Variants in SND1 observed in about 807,000 individuals in gnomAD.
The protein encoded by SND1 is staphylococcal nuclease domain-containing protein 1.
A neutral mutation model predicts 121.7 loss-of-function variants in SND1; 38 were observed. That is an observed-to-expected ratio of 0.31 (90% CI 0.24 to 0.41). SND1 has a LOEUF of 0.41. Ranked by LOEUF, SND1 falls within the 10% of genes least tolerant of loss-of-function variation. The probability of loss-of-function intolerance (pLI) is 1.00; values close to 1 mark genes in which losing one functional copy is unlikely to be tolerated. For synonymous variants in SND1, 401 were observed against 447.4 expected (o/e 0.90, Z 1.31); for missense variants, 868 against 1,184.6 (o/e 0.73, Z 3.92).
intron 1 of SND1, among the ~76,000 whole-genome samples, chr7:127,673,161 T>G (rs1795554820): frequency 6.8e-6 from 1 of 146,858 alleles, no homozygotes; most frequent in Non-Finnish European, 1.5e-5. Flanking sequence ...ATATATAATA[T>G]ATATCATATA....
chr7:127,861,830 T>C (rs1799386484), intron 12 of SND1, among the ~76,000 whole-genome samples: 1 of 152,180 alleles, frequency 6.6e-6, no homozygotes, highest in Non-Finnish European at 1.5e-5. Context: ...TAAGTAGAAG[T>C]CTGGAGGCCG....
At chr7:127,836,034 T>G (rs1307898517) in intron 11 of SND1, among the ~76,000 whole-genome samples, 1 of 152,166 alleles carries the variant, frequency 6.6e-6, no homozygotes, top group Non-Finnish European at 1.5e-5. Flanking sequence ...TAATTAAATA[T>G]TTACCGAAGT....
intron 1 of SND1, among the ~76,000 whole-genome samples, chr7:127,685,236 T>C (rs1213497726): frequency 6.6e-6 from 1 of 152,182 alleles, no homozygotes; most frequent in Non-Finnish European, 1.5e-5. Flanking sequence ...GGTAGAGAGG[T>C]GGAGAGCAAT....
Position 128,015,844 on chromosome 7 carries a change from ATCCAC to A in SND1, c.1779+24791_1779+24795del, listed in dbSNP as rs1389308501. Among the ~76,000 whole-genome samples the A allele has an allele frequency of 6.6e-6, 1 of 152,190 alleles. No individual in the cohort carries two copies. Among genetic ancestry groups the A allele is most frequent in the Non-Finnish European group, 1.5e-5 (1 of 68,032 alleles). ...GGCTCTGCCGGAGCCAGACATAGCC[ATCCAC>A]TCTGGCAGCAGCCTATCGAAGGGAG... On this transcript the variant is annotated intron_variant, in intron 16 of 23. Coordinates refer to ENST00000354725, the MANE Select transcript of SND1 (RefSeq NM_014390.4). This position sits in a 1 kb window ranked among gnomAD's most constrained non-coding sequence, Gnocchi z 4.5.
chr7:127,798,036 C>G (rs1798057639), intron 10 of SND1, among the ~76,000 whole-genome samples: 2 of 152,132 alleles, frequency 1.3e-5, no homozygotes, highest in African/African-American at 4.8e-5. Context: ...TAGAAGAACA[C>G]TCTTTAGACG....
intron 11 of SND1, among the ~76,000 whole-genome samples, chr7:127,829,865 G>A (rs1798708249): frequency 6.6e-6 from 1 of 152,128 alleles, no homozygotes; most frequent in African/African-American, 2.4e-5. Flanking sequence ...ATGGTTTCCA[G>A]GGGCTAGAGG....
chr7:127,860,706 C>T (rs78185689), intron 12 of SND1, among the ~76,000 whole-genome samples: 1,772 of 152,294 alleles, frequency 0.012, 28 homozygotes, highest in African/African-American at 0.041. Context: ...AGAAGGAATC[C>T]TTAGGCAGTA....
chr7:127,810,957 G>T (rs1426141740), intron 11 of SND1, among the ~76,000 whole-genome samples: 1 of 152,332 alleles, frequency 6.6e-6, no homozygotes, highest in East Asian at 1.9e-4. Context: ...AGATGGAATT[G>T]TAAGAAGCCA....
chr7:128,068,757 T>A (rs1472645985), intron 16 of SND1, among the ~76,000 whole-genome samples: 1 of 152,186 alleles, frequency 6.6e-6, no homozygotes, highest in Non-Finnish European at 1.5e-5. Context: ...AGACCACAGC[T>A]CGGCTGGGTG....
At chr7:127,886,201 G>T (rs536863527) in intron 12 of SND1, among the ~76,000 whole-genome samples, 1 of 151,932 alleles carries the variant, frequency 6.6e-6, no homozygotes, top group African/African-American at 2.4e-5. Flanking sequence ...TATTAATACC[G>T]TGCTGGCAGT....
At chr7:127,924,324 G>A (rs1800788366) in intron 14 of SND1, among the ~76,000 whole-genome samples, 1 of 152,188 alleles carries the variant, frequency 6.6e-6, no homozygotes, top group Admixed American at 6.5e-5. Context: ...GTGATGATGA[G>A]AACTAATTCG....
At chr7:127,787,417 TG>T (rs1369525429) in intron 10 of SND1, among the ~76,000 whole-genome samples, 1 of 152,146 alleles carries the variant, frequency 6.6e-6, no homozygotes, top group African/African-American at 2.4e-5. Flanking sequence ...AAATTTTCAT[TG>T]TAAAGTCAAG....
chr7:127,727,889 T>C (rs978955833), intron 10 of SND1, among the ~76,000 whole-genome samples: 3 of 152,134 alleles, frequency 2.0e-5, no homozygotes, highest in Admixed American at 6.5e-5. Flanking sequence ...CTATTTAAGA[T>C]TCCAGGATAT....
chr7:127,963,756 T>C (rs1343559344), intron 15 of SND1, among the ~76,000 whole-genome samples: 1 of 69,722 alleles, frequency 1.4e-5, no homozygotes, highest in African/African-American at 6.4e-5. Context: ...TATAGTCCTT[T>C]GGGTATATAC....
intron 3 of SND1, among the ~76,000 whole-genome samples, chr7:127,695,349 G>C (rs1277644758): frequency 6.6e-6 from 1 of 152,032 alleles, no homozygotes; most frequent in Non-Finnish European, 1.5e-5. Flanking sequence ...AACTCTTTTG[G>C]AAAGGAAGAT....
intron 1 of SND1, among the ~76,000 whole-genome samples, chr7:127,670,773 A>G (rs1240873117): frequency 1.3e-5 from 2 of 151,924 alleles, no homozygotes; most frequent in Non-Finnish European, 2.9e-5. Flanking sequence ...TGGCCTCCCA[A>G]AGTGCTGGGA....
At chr7:127,987,653 C>T (rs563619833) in intron 15 of SND1, among the ~76,000 whole-genome samples, 1 of 152,186 alleles carries the variant, frequency 6.6e-6, no homozygotes, top group Non-Finnish European at 1.5e-5. Context: ...AGGACCTGCC[C>T]CGTCCTTCCA....
intron 1 of SND1, among the ~76,000 whole-genome samples, chr7:127,682,971 G>T (rs1795752810): frequency 6.6e-6 from 1 of 152,184 alleles, no homozygotes. Flanking sequence ...CATATAAATT[G>T]TTGAGCATAT....
rs751799804 is a variant in SND1 at position 128,030,395 on chromosome 7, G to A, written c.1779+39339G>A. 5.6e-6 allele frequency: 9 copies of A among 1,613,948 alleles called. No homozygotes were observed. The East Asian group carries it at 1.8e-4, about 32-fold the overall frequency. On this transcript the variant is annotated intron_variant, in intron 16 of 23. Coordinates refer to ENST00000354725, the MANE Select transcript of SND1 (RefSeq NM_014390.4). Reference sequence around the variant, plus strand: ...GGATCATCTGGATGTTGTTCTCCATGAGGTTGAGGTACCGGGTGTTCGAGG... The same window carrying A: ...GGATCATCTGGATGTTGTTCTCCATAAGGTTGAGGTACCGGGTGTTCGAGG...
Sources: allele counts gnomAD v4.1 joint callset (sites outside exome capture counted in the v4.1 genomes callset), GRCh38; gene constraint gnomAD v4.1.1; non-coding constraint Gnocchi (gnomAD v3.1); transcripts MANE v1.5; gene names NCBI Gene and HGNC (gene_info 2026-07-23, HGNC 2026-07-21).